The following XPO6 variants were observed in gnomAD, a reference collection of about 807,000 sequenced individuals.
XPO6 encodes exportin 6.
In XPO6, 3 loss-of-function variants were observed where a neutral mutation model predicts 130.0. The ratio of observed to expected loss-of-function variants is 0.02; its 90% confidence interval spans 0.01 to 0.06. The LOEUF (loss-of-function observed/expected upper bound fraction) is 0.06. Among genes scored for constraint, XPO6 ranks in the 10% least tolerant of loss-of-function variants. The pLI, the probability that XPO6 is intolerant of heterozygous loss-of-function variation, is 1.00. For synonymous variants in XPO6, 524 were observed against 548.9 expected, an observed-to-expected ratio of 0.95 and a Z score of 0.63; for missense variants, 970 against 1,393.0, an observed-to-expected ratio of 0.70 and a Z score of 4.83.
intron 6 of XPO6, among the ~76,000 whole-genome samples, chr16:28,160,303 A>G (rs548886367): frequency 1.6e-4 from 25 of 151,776 alleles, no homozygotes; most frequent in Non-Finnish European, 3.2e-4. Context: ...CAGAAGTTCC[A>G]GACCAGCCCG....
chr16:28,116,982 G>C, intron 15 of XPO6: 1 of 233,996 alleles, frequency 4.3e-6, no homozygotes, highest in Non-Finnish European at 8.7e-6. Flanking sequence ...ATAAAATGAG[G>C]TGTGCCTGCA....
chr16:28,206,134 A>G (rs992061710), intron 1 of XPO6, among the ~76,000 whole-genome samples: 3 of 142,776 alleles, frequency 2.1e-5, no homozygotes, highest in Non-Finnish European at 4.5e-5. Context: ...GCATATAGAA[A>G]GCAATACACA....
At chr16:28,166,866 C>A in intron 5 of XPO6, 6 of 967,874 alleles carry the variant, frequency 6.2e-6, no homozygotes, top group Non-Finnish European at 7.4e-6. Context: ...ACTCACTGGT[C>A]ACTTAATCCC....
chr16:28,170,490 AT>A (rs2141852454), intron 4 of XPO6, among the ~76,000 whole-genome samples: 1 of 152,344 alleles, frequency 6.6e-6, no homozygotes, highest in Non-Finnish European at 1.5e-5. Context: ...TAACATGACA[AT>A]TTTTATACAT....
intron 14 of XPO6, among the ~76,000 whole-genome samples, chr16:28,118,722 T>C (rs932632180): frequency 6.6e-6 from 1 of 152,222 alleles, no homozygotes; most frequent in African/African-American, 2.4e-5. Flanking sequence ...ATTATTGTCC[T>C]TATTCTTTCT....
chr16:28,154,125 C>T, intron 7 of XPO6: 1 of 985,242 alleles, frequency 1.0e-6, no homozygotes, highest in Non-Finnish European at 1.2e-6. Context: ...TCATCAATCA[C>T]TAATACTCAA....
chr16:28,131,309 C>T (rs1262253614), intron 12 of XPO6, among the ~76,000 whole-genome samples: 1 of 152,162 alleles, frequency 6.6e-6, no homozygotes, highest in Non-Finnish European at 1.5e-5. Flanking sequence ...CGGAAAAAGG[C>T]TCCTGTGGAG....
intron 23 of XPO6, among the ~76,000 whole-genome samples, chr16:28,099,437 C>A (rs2086606902): frequency 6.6e-6 from 1 of 152,246 alleles, no homozygotes; most frequent in South Asian, 2.1e-4. Flanking sequence ...TTCCCAAAGT[C>A]TGCACAGATG....
chr16:28,204,011 C>T (rs1322406674), intron 1 of XPO6, among the ~76,000 whole-genome samples: 1 of 152,184 alleles, frequency 6.6e-6, no homozygotes, highest in Admixed American at 6.5e-5. Flanking sequence ...TTCTTCACAT[C>T]CTTCTCTTCT....
Position 28,112,832 on chromosome 16 carries a change from C to T in XPO6, c.2151+72G>A, listed in dbSNP as rs1441002108. 8.4e-6 allele frequency: 13 copies of T among 1,545,282 alleles called. No individual in the cohort carries two copies. In the African/African-American group the frequency reaches 1.5e-4, roughly 18 times the overall value. On this transcript the variant is annotated intron_variant, in intron 16 of 23. Coordinates refer to ENST00000304658, the MANE Select transcript of XPO6 (RefSeq NM_015171.4). ...TCTGAGTACAAAATCAAAGGCCAGA[C>T]TCTTCTTCCTCAGCTTCCTTGGGTC...
chr16:28,116,277 T>C (rs539698086), intron 15 of XPO6, among the ~76,000 whole-genome samples: 11 of 152,190 alleles, frequency 7.2e-5, no homozygotes, highest in East Asian at 3.9e-4. Context: ...CTGGCTAACA[T>C]GGTGAAACCC....
intron 4 of XPO6, among the ~76,000 whole-genome samples, chr16:28,174,787 A>G (rs2043508030): frequency 6.6e-6 from 1 of 152,214 alleles, no homozygotes; most frequent in South Asian, 2.1e-4. Flanking sequence ...CTGAGACTAT[A>G]AACAATTTTC....
At chr16:28,195,451 C>T (rs1332913409) in intron 1 of XPO6, among the ~76,000 whole-genome samples, 1 of 152,116 alleles carries the variant, frequency 6.6e-6, no homozygotes, top group Non-Finnish European at 1.5e-5. Context: ...TCCCCACACC[C>T]AAGGATCCCA....
At chr16:28,195,867 C>T (rs2043852371) in intron 1 of XPO6, among the ~76,000 whole-genome samples, 1 of 152,184 alleles carries the variant, frequency 6.6e-6, no homozygotes, top group African/African-American at 2.4e-5. Context: ...AAACTCCGCA[C>T]ATTTACTAAG....
intron 9 of XPO6, among the ~76,000 whole-genome samples, chr16:28,139,898 C>G (rs952277425): frequency 2.6e-5 from 4 of 152,136 alleles, no homozygotes; most frequent in African/African-American, 9.7e-5. Context: ...TTGGAGAATT[C>G]ACCCCCCTCT....
chr16:28,150,991 C>T (rs1444932223), intron 8 of XPO6, among the ~76,000 whole-genome samples: 1 of 151,858 alleles, frequency 6.6e-6, no homozygotes, highest in Non-Finnish European at 1.5e-5. Flanking sequence ...CAAGTTTTGG[C>T]CTTCCCTCCC....
rs564457351 is a variant in XPO6 at position 28,125,829 on chromosome 16, C to T, written c.1626G>A (p.Thr542=). 19 of 1,613,984 alleles carry T rather than the reference C, an allele frequency of 1.2e-5. No individual in the cohort carries two copies. Among genetic ancestry groups the T allele is most frequent in the Middle Eastern group, 1.7e-4 (1 of 6,060 alleles). ...GCAGCCGCCGGCAGTCGTTCTCCGCCGTGATGTTCAACCTGTGTCCTGGAA... is the reference window on the plus strand; with the variant it reads ...GCAGCCGCCGGCAGTCGTTCTCCGCTGTGATGTTCAACCTGTGTCCTGGAA... The part of the protein sequence containing the change: ...TSGSGHRLNI[T]AENDCRRLHC... The change falls in exon 13 of 24, where the codon ACG becomes ACA. Residue 542 remains threonine, a synonymous_variant. Coordinates refer to ENST00000304658, the MANE Select transcript of XPO6 (RefSeq NM_015171.4).
intron 6 of XPO6, among the ~76,000 whole-genome samples, chr16:28,161,707 G>C (rs1218149898): frequency 1.3e-5 from 2 of 152,064 alleles, no homozygotes; most frequent in Non-Finnish European, 2.9e-5. Flanking sequence ...ACAACTCTAA[G>C]GTGGGCATTA....
At chr16:28,105,383 T>C (rs1404787967) in intron 20 of XPO6, among the ~76,000 whole-genome samples, 1 of 152,116 alleles carries the variant, frequency 6.6e-6, no homozygotes, top group Non-Finnish European at 1.5e-5. Flanking sequence ...AATTCAAAAT[T>C]AGAAGGCCCA....
Sources: allele counts gnomAD v4.1 joint callset (sites outside exome capture counted in the v4.1 genomes callset), GRCh38; gene constraint gnomAD v4.1.1; transcripts MANE v1.5; gene names NCBI Gene and HGNC (gene_info 2026-07-23, HGNC 2026-07-21).